SOD2: variants seen among roughly 807,000 people sequenced by gnomAD.
SOD2 encodes superoxide dismutase 2, also known as superoxide dismutase [Mn], mitochondrial.
A neutral mutation model predicts 27.0 loss-of-function variants in SOD2; 11 were observed. The observed-to-expected ratio is 0.41, with a 90% CI of 0.26 to 0.67. The LOEUF (loss-of-function observed/expected upper bound fraction) is 0.67, where lower values mean the gene tolerates loss of function less well. SOD2 is among the 30% of genes least tolerant of loss of function. SOD2 has a pLI of 0.34. For synonymous variants in SOD2, 105 were observed against 103.0 expected (o/e 1.02, Z -0.12); for missense variants, 250 against 274.5 (o/e 0.91, Z 0.63).
chr6:159,690,350 ACT>A (rs1780399507), intron 2 of SOD2, among the ~76,000 whole-genome samples: 1 of 151,108 alleles, frequency 6.6e-6, no homozygotes. Context: ...TAATCCCAGC[ACT>A]CTGGAAGGCC....
chr6:159,685,883 T>C (rs939944881), intron 3 of SOD2, among the ~76,000 whole-genome samples: 1 of 152,218 alleles, frequency 6.6e-6, no homozygotes. Context: ...CCCCACTCAC[T>C]GTACTATCTT....
At chr6:159,750,883 T>C (rs1779794943) in intron 1 of SOD2, among the ~76,000 whole-genome samples, 1 of 152,248 alleles carries the variant, frequency 6.6e-6, no homozygotes. Context: ...GGGTTTTGCT[T>C]TGGGTTGCGT....
At chr6:159,713,211 C>G in intron 1 of SOD2, 1 of 938,288 alleles carries the variant, frequency 1.1e-6, no homozygotes, top group Non-Finnish European at 1.6e-6. Flanking sequence ...TAATTGCGGT[C>G]TTTTCCAAAT....
chr6:159,717,755 C>A (rs1356916839), intron 1 of SOD2, among the ~76,000 whole-genome samples: 1 of 152,092 alleles, frequency 6.6e-6, no homozygotes, highest in Admixed American at 6.6e-5. Flanking sequence ...CTATTCTACT[C>A]TCTACTTCCA....
At chr6:159,710,775 A>G (rs930151175) in intron 1 of SOD2, among the ~76,000 whole-genome samples, 3 of 149,934 alleles carry the variant, frequency 2.0e-5, no homozygotes, top group African/African-American at 7.4e-5. Flanking sequence ...GACCTCCATA[A>G]CCACCACTCA....
chr6:159,739,053 G>A, intron 1 of SOD2: 1 of 1,608,062 alleles, frequency 6.2e-7, no homozygotes, highest in Non-Finnish European at 8.5e-7. Flanking sequence ...AAGGTAAAAT[G>A]TTCTCTGTTC....
rs543323901 is a variant in SOD2, at chr6:159,754,112, C to T, written c.-335-5436G>A. On this transcript the variant is annotated intron_variant, in intron 1 of 7. Transcript: ENST00000546087. Reference sequence around the variant, plus strand: ...TCCATCCTTTTTAGTGCAAGTGTAGCTGTATCTCTGTTTCTCTTCTTTGTA... The same window carrying T: ...TCCATCCTTTTTAGTGCAAGTGTAGTTGTATCTCTGTTTCTCTTCTTTGTA... 7.2e-5 allele frequency among the ~76,000 whole-genome samples: 11 copies of T among 152,272 alleles called. 1 individual carries two copies. In the South Asian group the frequency reaches 2.3e-3, roughly 32 times the overall value.
At chr6:159,705,974 A>T (rs1583032681) in intron 1 of SOD2, among the ~76,000 whole-genome samples, 1 of 152,212 alleles carries the variant, frequency 6.6e-6, no homozygotes. Context: ...AACGTTTTTA[A>T]AGAAAAGAAT....
At chr6:159,700,571 A>C (rs1441449999) in intron 1 of SOD2, among the ~76,000 whole-genome samples, 1 of 151,114 alleles carries the variant, frequency 6.6e-6, no homozygotes, top group Admixed American at 6.6e-5. Flanking sequence ...GGAGAATGGC[A>C]TGAACCCAGG....
At chr6:159,748,512 CT>C, upstream of SOD2, 5 of 1,442,058 alleles carry the variant, frequency 3.5e-6, no homozygotes, top group Non-Finnish European at 4.6e-6. This position sits in a 1 kb window ranked among gnomAD's most constrained non-coding sequence, Gnocchi z 5.6. Flanking sequence ...CACTGTCCAG[CT>C]TGTAATGGTT....
exon 1 of SOD2, chr6:159,761,691 C>A: frequency 2.6e-6 from 1 of 387,228 alleles, no homozygotes; most frequent in Non-Finnish European, 5.1e-6. Flanking sequence ...TCGAGAAACC[C>A]TAAGATTTTT....
rs371665142 is a variant in SOD2 at position 159,672,845 on chromosome 6, C to A, written c.*9648G>T. 1 of 151,864 alleles carries A rather than the reference C, an allele frequency of 6.6e-6. No homozygotes were observed. The highest frequency in any genetic ancestry group is 2.4e-5 in the African/African-American group (1 of 41,308). 9.4% of individuals were successfully genotyped at this position (151,864 alleles called of 1,614,324 possible). A position where few individuals can be genotyped will look rare whatever the true frequency, so the allele number is the denominator to read the frequency against. Reference sequence around the variant, plus strand: ...CCATCAGGGTGCTGTATTCAGGAAACCCATCTCACGTACAGAGACACACAC... The same window carrying A: ...CCATCAGGGTGCTGTATTCAGGAAAACCATCTCACGTACAGAGACACACAC... On this transcript the variant is annotated 3_prime_UTR_variant, in exon 5 of 5. Coordinates refer to ENST00000538183, the MANE Select transcript of SOD2 (RefSeq NM_000636.4).
intron 1 of SOD2, chr6:159,713,033 G>A (rs1228307623): frequency 1.3e-5 from 8 of 637,432 alleles, no homozygotes; most frequent in Non-Finnish European, 2.0e-5. Flanking sequence ...CTCTGTCATC[G>A]TGTCCAATTT....
intron 1 of SOD2, among the ~76,000 whole-genome samples, chr6:159,705,014 G>A (rs969449427): frequency 1.3e-5 from 2 of 152,214 alleles, no homozygotes; most frequent in Admixed American, 6.5e-5. Context: ...CAGGCAAACA[G>A]GGTCTGGAGT....
rs369341208 is a variant in SOD2, at chr6:159,726,940, G to A, written c.-116+189C>T. 112 of 1,288,476 alleles carry A rather than the reference G, an allele frequency of 8.7e-5. No individual in the cohort carries two copies. The East Asian group carries it at 5.9e-3, about 68-fold the overall frequency. The allele number at this position is 1,288,476 out of a possible 1,614,324, so 79.8% of individuals were successfully genotyped here. A position where few individuals can be genotyped will look rare whatever the true frequency, so the allele number is the denominator to read the frequency against. On this transcript the variant is annotated intron_variant, in intron 1 of 2. Transcript: ENST00000401980. ...GCACCTGGTCCTCCGACACGCGGAA[G>A]CATCACGGATGAGCGTCACGAACAC...
At chr6:159,733,201 A>G (rs1033626848) in intron 1 of SOD2, among the ~76,000 whole-genome samples, 9 of 152,214 alleles carry the variant, frequency 5.9e-5, no homozygotes, top group African/African-American at 1.7e-4. Context: ...ATTTTATATC[A>G]TAGTAATATG....
chr6:159,688,368 C>G lies in SOD2; in HGVS notation c.227-126G>C, dbSNP rs759788963. 1.1e-5 allele frequency: 7 copies of G among 647,496 alleles called. No homozygotes were observed. The African/African-American group carries it at 1.3e-4, about 12-fold the overall frequency. The allele number at this position is 647,496 out of a possible 1,614,324, so 40.1% of individuals were successfully genotyped here. ...CAGCTTATCTATAACATCCGTTTGT[C>G]CTAAAATTCAGCACCCCCCCGCCCC... is the stretch of plus-strand genomic sequence containing the variant. On this transcript the variant is annotated intron_variant, in intron 2 of 4. Coordinates refer to ENST00000538183, the MANE Select transcript of SOD2 (RefSeq NM_000636.4).
chr6:159,739,106 A>G (rs866076487), intron 1 of SOD2: 2 of 1,313,616 alleles, frequency 1.5e-6, no homozygotes, highest in East Asian at 2.4e-5. Flanking sequence ...GTGACTCTAC[A>G]CTGTAATTGT....
At chr6:159,709,147 CA>C (rs1197882886) in intron 1 of SOD2, among the ~76,000 whole-genome samples, 1 of 151,938 alleles carries the variant, frequency 6.6e-6, no homozygotes, top group Admixed American at 6.6e-5. Context: ...ATGTTAGACC[CA>C]AAACCATAAA....
Sources: allele counts gnomAD v4.1 joint callset (sites outside exome capture counted in the v4.1 genomes callset), GRCh38; gene constraint gnomAD v4.1.1; non-coding constraint Gnocchi (gnomAD v3.1); transcripts MANE v1.5; gene names NCBI Gene and HGNC (gene_info 2026-07-23, HGNC 2026-07-21).